Variants in CHD5 observed in about 807,000 individuals in gnomAD.
The protein encoded by CHD5 is chromodomain helicase DNA binding protein 5.
CHD5 carries 69 observed loss-of-function variants against 230.3 expected under a neutral mutation model. The observed-to-expected ratio is 0.30, with a 90% CI of 0.25 to 0.37. CHD5 has a LOEUF of 0.37. Ranked by LOEUF, CHD5 falls within the 10% of genes least tolerant of loss-of-function variation. The pLI, the probability that CHD5 is intolerant of heterozygous loss-of-function variation, is 1.00. For synonymous variants in CHD5, 1,064 were observed against 1,065.9 expected (o/e 1.00, Z 0.03); for missense variants, 1,827 against 2,622.8 (o/e 0.70, Z 6.63).
intron 36 of CHD5, among the ~76,000 whole-genome samples, chr1:6,110,746 C>T (rs987969947): frequency 6.6e-6 from 1 of 152,212 alleles, no homozygotes; most frequent in Non-Finnish European, 1.5e-5. Flanking sequence ...CCAGACACAG[C>T]CCCGGGGCTT....
chr1:6,121,875 C>T lies in CHD5; in HGVS notation c.4700-302G>A, dbSNP rs373261128. The stretch of plus-strand genomic sequence containing the variant: ...GGCAGGGAAGTGAGGCAGATGGAGG[C>T]CCAGATTGGGAGCCACGACACCCGC... On this transcript the variant is annotated intron_variant, in intron 31 of 41. Transcript: ENST00000262450. This position sits in a 1 kb window ranked among gnomAD's most constrained non-coding sequence, Gnocchi z 4.5. Among the ~76,000 whole-genome samples the T allele has an allele frequency of 1.5e-3, 227 of 152,292 alleles. 2 individuals are homozygous for T. In the South Asian group the frequency reaches 0.019, roughly 13 times the overall value.
intron 1 of CHD5, among the ~76,000 whole-genome samples, chr1:6,175,401 G>A (rs868842681): frequency 8.0e-5 from 10 of 125,004 alleles, no homozygotes; most frequent in African/African-American, 5.1e-4. Flanking sequence ...ATGGATGGAT[G>A]GTGGATAGAT....
At position 6,173,256 on chromosome 1, in the gene CHD5, C is replaced by T. The variant is rs569614839; in HGVS notation, c.80-4979G>A. On this transcript the variant is annotated intron_variant, in intron 1 of 41. Transcript: ENST00000262450. ...AGTAGCTGGGACTACAGGTGTCCGCCACCACACCCGGCTAATTTTTTGTAT... is the reference window on the plus strand; with the variant it reads ...AGTAGCTGGGACTACAGGTGTCCGCTACCACACCCGGCTAATTTTTTGTAT... Among the ~76,000 whole-genome samples, 378 of 152,112 alleles carry T rather than the reference C, an allele frequency of 2.5e-3. 3 individuals carry two copies. Among genetic ancestry groups the T allele is most frequent in the African/African-American group, 8.5e-3 (354 of 41,514 alleles).
In CHD5 at chr1:6,135,333, G is replaced by C; in HGVS notation, c.2767C>G (p.Leu923Val). The C allele has an allele frequency of 1.2e-6, 2 of 1,614,176 alleles. No individual in the cohort carries two copies. The highest frequency in any genetic ancestry group is 1.7e-6 in the Non-Finnish European group (2 of 1,180,048). Residue 923 changes from leucine (L) to valine (V), a missense_variant, in exon 18 of 42, where the codon CTG becomes GTG. By Grantham distance (32) the Leu-to-Val change is conservative. Around this residue, in one of 14 missense-constraint regions of CHD5, gnomAD observed 52 missense variants for 164.5 expected, o/e 0.32. Coordinates refer to ENST00000262450, the MANE Select transcript of CHD5 (RefSeq NM_015557.3). The part of the protein sequence containing the change: ...KEDQIKKLHD[L>V]LGPHMLRRLK... ...CGCCTGAGCATGTGCGGCCCCAGCA[G>C]GTCATGCAGCTTCTTGATCTGGTCT... is the stretch of plus-strand genomic sequence containing the variant.
chr1:6,110,596 G>A (rs1200457751), intron 36 of CHD5, 70 bp from the exon 37 acceptor site: 64 of 1,502,944 alleles, frequency 4.3e-5, no homozygotes, highest in Non-Finnish European at 5.5e-5. Flanking sequence ...AGGCAGCTCA[G>A]GGAGGGGGAG....
At chr1:6,108,660 G>A (rs939989889) in intron 38 of CHD5, among the ~76,000 whole-genome samples, 2 of 148,200 alleles carry the variant, frequency 1.3e-5, no homozygotes, top group African/African-American at 5.0e-5. Flanking sequence ...GGCATGGAGG[G>A]ATAATGGAAG....
intron 33 of CHD5, among the ~76,000 whole-genome samples, chr1:6,113,857 G>A (rs1666332033): frequency 1.3e-5 from 2 of 152,208 alleles, no homozygotes; most frequent in Non-Finnish European, 2.9e-5. Flanking sequence ...GCTGCTCCCA[G>A]AGGGACACCG....
chr1:6,134,920 T>C lies in CHD5; in HGVS notation c.2871-61A>G. On this transcript the variant is annotated intron_variant, in intron 18 of 41. Coordinates refer to ENST00000262450, the MANE Select transcript of CHD5 (RefSeq NM_015557.3). This position sits in a 1 kb window ranked among gnomAD's most constrained non-coding sequence, Gnocchi z 6.3. ...GACCCGCCTCCATGAGGGCTCTCTC[T>C]GCTCTGCAGTGGGGCTGGAAGCTGG... The C allele has an allele frequency of 6.3e-7, 1 of 1,599,406 alleles. No homozygotes were observed.
At chr1:6,124,292 C>T (rs922954751) in intron 30 of CHD5, among the ~76,000 whole-genome samples, 185 bp from the exon 31 acceptor site, 3 of 150,640 alleles carry the variant, frequency 2.0e-5, no homozygotes, top group African/African-American at 7.3e-5. Context: ...ACCCTCCCAC[C>T]CTCTGTGTGT....
chr1:6,121,246 G>A lies in CHD5; in HGVS notation c.4780-9C>T, dbSNP rs376500841. 1.2e-6 allele frequency: 2 copies of A among 1,605,224 alleles called. No homozygotes were observed. The highest frequency in any genetic ancestry group is 1.3e-5 in the African/African-American group (1 of 74,376). On this transcript the variant is annotated splice_polypyrimidine_tract_variant and intron_variant, in intron 32 of 41. Coordinates refer to ENST00000262450, the MANE Select transcript of CHD5 (RefSeq NM_015557.3). The surrounding 1 kb of genome is among the most constrained non-coding windows in gnomAD (Gnocchi z 4.5). ...AAGGCGGCTGGAAGGGCCTGCAGAG[G>A]AAAAGCCAGGAGAACTACAAGGCCT...
At chr1:6,157,388 C>G (rs1264387357) in intron 3 of CHD5, among the ~76,000 whole-genome samples, 1 of 152,236 alleles carries the variant, frequency 6.6e-6, no homozygotes, top group East Asian at 1.9e-4. Flanking sequence ...CTGGCCTGAG[C>G]CCAACACTGC....
intron 1 of CHD5, among the ~76,000 whole-genome samples, chr1:6,173,168 G>A (rs1340914990): frequency 1.3e-5 from 2 of 150,524 alleles, no homozygotes; most frequent in Admixed American, 1.3e-4. Flanking sequence ...GCAGTGGCGC[G>A]ATCTCGGCTC....
intron 2 of CHD5, among the ~76,000 whole-genome samples, chr1:6,166,907 C>T (rs942301246): frequency 2.0e-5 from 3 of 152,156 alleles, no homozygotes; most frequent in African/African-American, 4.8e-5. Flanking sequence ...GTGCACCACC[C>T]GCAACAGGCC....
rs190376112 is a variant in CHD5, at chr1:6,121,692, C to T, written c.4700-119G>A. ...GGCCTTCGGGAGGCTCCACTGCAGC[C>T]AAGCACCTCCAGGAGAGACAAGCAG... On this transcript the variant is annotated intron_variant, in intron 31 of 41. Coordinates refer to ENST00000262450, the MANE Select transcript of CHD5 (RefSeq NM_015557.3). The surrounding 1 kb of genome is among the most constrained non-coding windows in gnomAD (Gnocchi z 4.5). 5.2e-4 allele frequency: 345 copies of T among 660,992 alleles called. No homozygotes were observed. Among genetic ancestry groups the T allele is most frequent in the Non-Finnish European group, 8.8e-4 (328 of 374,196 alleles). The allele number at this position is 660,992 out of a possible 1,614,324, so 40.9% of individuals were successfully genotyped here.
At chr1:6,115,630 G>A (rs1358455758) in intron 33 of CHD5, among the ~76,000 whole-genome samples, 1 of 152,226 alleles carries the variant, frequency 6.6e-6, no homozygotes, top group Admixed American at 6.5e-5. Context: ...CCAGCTGACA[G>A]CCAGCAAGGA....
chr1:6,129,712 T>C lies in CHD5; in HGVS notation c.3387+492A>G, dbSNP rs1218253289. 6.6e-6 allele frequency among the ~76,000 whole-genome samples: 1 copy of C among 151,956 alleles called. No homozygotes were observed. Among genetic ancestry groups the C allele is most frequent in the Admixed American group, 6.6e-5 (1 of 15,264 alleles). On this transcript the variant is annotated intron_variant, in intron 22 of 41. Transcript: ENST00000262450. The surrounding 1 kb of genome is among the most constrained non-coding windows in gnomAD (Gnocchi z 6.8). ...AGAGGGGTGGCCAGGTACACTAGGG[T>C]GGCTCTATTCCCATACCCCTCCCCC...
At chr1:6,162,970 G>A (rs989234326) in intron 2 of CHD5, among the ~76,000 whole-genome samples, 3 of 152,202 alleles carry the variant, frequency 2.0e-5, no homozygotes, top group Non-Finnish European at 4.4e-5. Flanking sequence ...CCGGAAGGAG[G>A]GAGGGATAGG....
chr1:6,177,621 C>A (rs1667446114), intron 1 of CHD5, among the ~76,000 whole-genome samples: 1 of 152,182 alleles, frequency 6.6e-6, no homozygotes, highest in Non-Finnish European at 1.5e-5. Flanking sequence ...CACAGCAAGA[C>A]CCCATCTCTT....
At chr1:6,169,883 C>T (rs778962202) in intron 1 of CHD5, among the ~76,000 whole-genome samples, 1 of 152,082 alleles carries the variant, frequency 6.6e-6, no homozygotes, top group East Asian at 1.9e-4. Flanking sequence ...GCCTCAGACC[C>T]TCTGCCATGG....
Sources: gnomAD v4.1 joint callset for allele counts (sites outside exome capture counted in the v4.1 genomes callset) on GRCh38, gnomAD v4.1.1 for gene constraint, gnomAD v4.1.1 regional missense constraint, Gnocchi (gnomAD v3.1) non-coding constraint, MANE v1.5 for transcripts, NCBI Gene and HGNC (gene_info 2026-07-23, HGNC 2026-07-21) for gene names.